Variants in HEPHL1 observed in about 807,000 individuals in gnomAD.
The protein encoded by HEPHL1 is ferroxidase HEPHL1.
A neutral mutation model predicts 122.0 loss-of-function variants in HEPHL1; 123 were observed. The observed-to-expected ratio is 1.01, with a 90% CI of 0.87 to 1.17. The LOEUF is 1.17. Ranked by LOEUF, HEPHL1 falls within the 50% of genes most tolerant of loss-of-function variation. The pLI, the probability that HEPHL1 is intolerant of heterozygous loss-of-function variation, is 0.00. For synonymous variants in HEPHL1, 527 were observed against 508.9 expected, an observed-to-expected ratio of 1.04 and a Z score of -0.48; for missense variants, 1,452 against 1,430.5, an observed-to-expected ratio of 1.01 and a Z score of -0.24.
At chr11:94,055,953 T>C (rs1173204922) in intron 2 of HEPHL1, 2 of 1,313,896 alleles carry the variant, frequency 1.5e-6, no homozygotes, top group East Asian at 5.2e-5. Context: ...GCCAGTGGAC[T>C]CTAACACTTT....
intron 15 of HEPHL1, 25 bp downstream of exon 15, chr11:94,103,045 G>T: frequency 7.6e-7 from 1 of 1,318,844 alleles, no homozygotes; most frequent in Non-Finnish European, 1.1e-6. Context: ...GCAACCAAAA[G>T]GCTTAAAATA....
At chr11:94,111,120 C>T in intron 18 of HEPHL1, 55 bp downstream of exon 18, 2 of 1,461,314 alleles carry the variant, frequency 1.4e-6, no homozygotes, top group Non-Finnish European at 1.8e-6. Flanking sequence ...CTGTAGACCC[C>T]CAAAACAGGA....
rs761485385 is a variant in HEPHL1 at position 94,073,124 on chromosome 11, A to G, written c.1332A>G (p.Arg444=). ...TEFVDATFTK[R]KRLSAEEAHL... ...TTGTTGATGCAACTTTTACTAAAAGAAAGAGACTCTCTGCTGAAGAAGCCC... is the reference window on the plus strand; with the variant it reads ...TTGTTGATGCAACTTTTACTAAAAGGAAGAGACTCTCTGCTGAAGAAGCCC... The change falls in exon 7 of 20, where the codon AGA becomes AGG. Residue 444 remains arginine (R), a synonymous_variant. Transcript: ENST00000315765. The G allele has an allele frequency of 5.6e-6, 9 of 1,613,228 alleles. No individual in the cohort carries two copies. In the South Asian group the frequency reaches 7.7e-5, roughly 14 times the overall value.
At chr11:94,069,720 C>G (rs1351248600) in intron 5 of HEPHL1, among the ~76,000 whole-genome samples, 2 of 151,982 alleles carry the variant, frequency 1.3e-5, no homozygotes, top group Non-Finnish European at 2.9e-5. Flanking sequence ...GCTTATGTTT[C>G]CCACCAATTT....
chr11:94,110,425 A>C (rs906411951), intron 17 of HEPHL1, among the ~76,000 whole-genome samples: 1 of 152,194 alleles, frequency 6.6e-6, no homozygotes, highest in Non-Finnish European at 1.5e-5. Flanking sequence ...ACTTACTGAT[A>C]TGGTTGTTAA....
At chr11:94,104,428 G>C (rs1946392792) in intron 15 of HEPHL1, 100 bp from the exon 16 acceptor site, 3 of 770,744 alleles carry the variant, frequency 3.9e-6, no homozygotes, top group South Asian at 1.8e-5. Context: ...TCTAGTCCAG[G>C]GTGAGGTATT....
At position 94,073,441 on chromosome 11, in the gene HEPHL1, T is replaced by C; in HGVS notation, c.1504+2T>C. ...CTGATGCAGCCCCAAACCTAGATGG[T>C]AAGTCTCACTCTGGGCTTAGGGAGG... On this transcript the variant is annotated splice_donor_variant, in intron 8 of 19. Transcript: ENST00000315765. LOFTEE classifies it high-confidence loss of function. 6.4e-7 allele frequency: 1 copy of C among 1,552,446 alleles called. No homozygotes were observed. Among genetic ancestry groups the C allele is most frequent in the South Asian group, 1.2e-5 (1 of 84,112 alleles).
chr11:94,029,661 T>C (rs1381311521), intron 1 of HEPHL1, among the ~76,000 whole-genome samples: 2 of 152,244 alleles, frequency 1.3e-5, no homozygotes, highest in Non-Finnish European at 2.9e-5. Flanking sequence ...TGGGAACCAC[T>C]GCTTTAGAAA....
At chr11:94,077,854 T>G (rs1188886320) in intron 9 of HEPHL1, among the ~76,000 whole-genome samples, 1 of 152,234 alleles carries the variant, frequency 6.6e-6, no homozygotes, top group Non-Finnish European at 1.5e-5. Context: ...AGGCTCCTTA[T>G]GCCTGGAATG....
At chr11:94,089,825 T>C (rs1256920531) in intron 12 of HEPHL1, among the ~76,000 whole-genome samples, 3 of 152,170 alleles carry the variant, frequency 2.0e-5, no homozygotes, top group Admixed American at 6.5e-5. Context: ...GAGTTAGAAC[T>C]GAACATAGAT....
At chr11:94,097,281 A>C in intron 13 of HEPHL1, among the ~76,000 whole-genome samples, 1 of 152,324 alleles carries the variant, frequency 6.6e-6, no homozygotes, top group East Asian at 1.9e-4. Flanking sequence ...TGTACCCAGT[A>C]GTCATTCAGG....
chr11:94,037,177 G>A (rs1248708627), intron 1 of HEPHL1, among the ~76,000 whole-genome samples: 9 of 152,298 alleles, frequency 5.9e-5, no homozygotes, highest in South Asian at 2.1e-4. Context: ...AAAAAACGGC[G>A]CACCACGAGA....
At chr11:94,079,096 C>T (rs1256762957) in intron 9 of HEPHL1, among the ~76,000 whole-genome samples, 1 of 152,198 alleles carries the variant, frequency 6.6e-6, no homozygotes, top group Admixed American at 6.5e-5. Flanking sequence ...TGATTGCAGT[C>T]TCACCTAATA....
Position 94,078,509 on chromosome 11 carries a change from T to G in HEPHL1, c.1716+3124T>G, listed in dbSNP as rs866781764. Among the ~76,000 whole-genome samples, 9 of 135,284 alleles carry G rather than the reference T, an allele frequency of 6.7e-5. No individual in the cohort carries two copies. In the South Asian group the frequency reaches 2.1e-3, roughly 32 times the overall value. 88.8% of individuals were successfully genotyped at this position (135,284 alleles called of 152,430 possible). A position where few individuals can be genotyped will look rare whatever the true frequency, so the allele number is the denominator to read the frequency against. ...GAGACACACAGAGAGATATTTATTA[T>G]GAGGAATTGGCTCATATGATTATGG... On this transcript the variant is annotated intron_variant, in intron 9 of 19. Coordinates refer to ENST00000315765, the MANE Select transcript of HEPHL1 (RefSeq NM_001098672.2).
chr11:94,027,433 G>C (rs997427564), intron 1 of HEPHL1, among the ~76,000 whole-genome samples: 5 of 152,172 alleles, frequency 3.3e-5, no homozygotes, highest in Non-Finnish European at 7.4e-5. Context: ...CGTCTCACGG[G>C]GTTCTTTGGA....
rs777470838 is a variant in HEPHL1, at chr11:94,111,063, T to C, written c.3206T>C (p.Ile1069Thr). 2 of 1,578,816 alleles carry C rather than the reference T, an allele frequency of 1.3e-6. No homozygotes were observed. The highest frequency in any genetic ancestry group is 1.7e-6 in the Non-Finnish European group (2 of 1,160,124). ...ACAACCTACACGGTCCTTCGTAACATAGGTACGGTTGTCTGTCAGTGATGC... is the reference window on the plus strand; with the variant it reads ...ACAACCTACACGGTCCTTCGTAACACAGGTACGGTTGTCTGTCAGTGATGC... ...METTYTVLRN[I>T]DNRIPYSTTS... The change falls in exon 18 of 20, where the codon ATA (isoleucine) becomes ACA (threonine). Residue 1069 changes from isoleucine to threonine, a missense_variant and splice_region_variant. Ile to Thr is a moderately conservative substitution (Grantham distance 89). Coordinates refer to ENST00000315765, the MANE Select transcript of HEPHL1 (RefSeq NM_001098672.2).
intron 13 of HEPHL1, among the ~76,000 whole-genome samples, chr11:94,094,268 G>T (rs371239837): frequency 6.6e-6 from 1 of 151,524 alleles, no homozygotes; most frequent in South Asian, 2.1e-4. Flanking sequence ...TTGTCCTTGC[G>T]ATAGTTTGCT....
intron 5 of HEPHL1, 80 bp downstream of exon 5, chr11:94,067,830 C>T: frequency 2.3e-6 from 3 of 1,310,060 alleles, no homozygotes; most frequent in South Asian, 1.3e-5. Context: ...CATCCAGTAC[C>T]TACTGTTAGA....
intron 11 of HEPHL1, 124 bp downstream of exon 11, chr11:94,086,313 T>A: frequency 1.4e-6 from 1 of 698,368 alleles, no homozygotes; most frequent in South Asian, 1.8e-5. Context: ...ATAGATATAG[T>A]CTTGATTAGA....
Sources: allele counts gnomAD v4.1 joint callset (sites outside exome capture counted in the v4.1 genomes callset), GRCh38; gene constraint gnomAD v4.1.1; transcripts MANE v1.5; gene names NCBI Gene and HGNC (gene_info 2026-07-23, HGNC 2026-07-21).